TAFA2: variants seen among roughly 807,000 people sequenced by gnomAD.
TAFA2 encodes TAFA chemokine like family member 2.
TAFA2 carries 7 observed loss-of-function variants against 18.8 expected under a neutral mutation model. That is an observed-to-expected ratio of 0.37 (90% CI 0.21 to 0.70). The LOEUF is 0.70. Ranked by LOEUF, TAFA2 falls within the 30% of genes least tolerant of loss-of-function variation. TAFA2 has a pLI of 0.53. For missense variants in TAFA2, 122 were observed against 158.1 expected, an observed-to-expected ratio of 0.77 and a Z score of 1.23; for synonymous variants, 60 against 54.2, an observed-to-expected ratio of 1.11 and a Z score of -0.47.
intron 1 of TAFA2, among the ~76,000 whole-genome samples, chr12:61,869,052 GTA>G (rs1440347576): frequency 6.6e-6 from 1 of 152,226 alleles, no homozygotes; most frequent in East Asian, 1.9e-4. Flanking sequence ...TGAGTCATTT[GTA>G]TATGTTTGAT....
intron 1 of TAFA2, among the ~76,000 whole-genome samples, chr12:61,943,984 A>C (rs1207479848): frequency 7.1e-6 from 1 of 140,868 alleles, no homozygotes; most frequent in African/African-American, 2.7e-5. Context: ...TCTCCACCCC[A>C]AATCAACAGA....
intron 1 of TAFA2, among the ~76,000 whole-genome samples, chr12:62,223,431 GC>G (rs1399455520): frequency 1.3e-5 from 2 of 151,984 alleles, no homozygotes; most frequent in African/African-American, 4.8e-5. Flanking sequence ...CCTCACCTCG[GC>G]CTCCCAAATG....
intron 1 of TAFA2, among the ~76,000 whole-genome samples, chr12:62,074,949 G>A (rs1489890485): frequency 6.6e-6 from 1 of 152,006 alleles, no homozygotes; most frequent in East Asian, 1.9e-4. Context: ...TGATCTGCCT[G>A]CCTCAGCCTC....
At chr12:61,977,644 C>T (rs190650255) in intron 1 of TAFA2, among the ~76,000 whole-genome samples, 4 of 152,154 alleles carry the variant, frequency 2.6e-5, no homozygotes, top group Admixed American at 6.6e-5. Context: ...GGTAGACCAG[C>T]GAAGTAAAAT....
intron 1 of TAFA2, among the ~76,000 whole-genome samples, chr12:62,130,308 T>C (rs964324784): frequency 1.3e-5 from 2 of 151,988 alleles, no homozygotes; most frequent in African/African-American, 4.8e-5. Flanking sequence ...GACTTTCTCT[T>C]GCTGTTGCAG....
At chr12:61,887,243 A>G (rs1875424170) in intron 1 of TAFA2, among the ~76,000 whole-genome samples, 1 of 152,188 alleles carries the variant, frequency 6.6e-6, no homozygotes, top group Non-Finnish European at 1.5e-5. Flanking sequence ...ATACATCAGT[A>G]ACTGGCAGGG....
intron 1 of TAFA2, among the ~76,000 whole-genome samples, chr12:62,063,603 C>A (rs1441853012): frequency 6.6e-6 from 1 of 152,132 alleles, no homozygotes; most frequent in East Asian, 1.9e-4. Flanking sequence ...AATGATTAAC[C>A]AAATTATATT....
At chr12:61,800,691 A>T (rs993260908) in intron 2 of TAFA2, among the ~76,000 whole-genome samples, 1 of 152,166 alleles carries the variant, frequency 6.6e-6, no homozygotes, top group African/African-American at 2.4e-5. Flanking sequence ...AAGCAGGATA[A>T]TACCAGGTAC....
chr12:62,190,693 C>A (rs1257153378), intron 1 of TAFA2, among the ~76,000 whole-genome samples: 1 of 152,128 alleles, frequency 6.6e-6, no homozygotes, highest in East Asian at 1.9e-4. Context: ...CAGCTTGATT[C>A]TTTATGAAGA....
rs568251851 is a variant in TAFA2, at chr12:62,226,602, T to G, written c.-130+32161A>C. On this transcript the variant is annotated intron_variant, in intron 1 of 5. Coordinates refer to the TAFA2 transcript ENST00000551619. The stretch of plus-strand genomic sequence containing the variant: ...ATACTGATACCTATCTTGAGGCTTT[T>G]AAACCTGTGTGTAACTCAAGCCCTT... 8.8e-4 allele frequency among the ~76,000 whole-genome samples: 134 copies of G among 152,292 alleles called. 2 individuals are homozygous for G. The highest frequency in any genetic ancestry group is 3.0e-3 in the African/African-American group (125 of 41,564).
At chr12:61,955,599 T>G (rs1191957079) in intron 1 of TAFA2, among the ~76,000 whole-genome samples, 1 of 24,160 alleles carries the variant, frequency 4.1e-5, no homozygotes, top group Admixed American at 8.3e-4. Context: ...AGACTCCATC[T>G]CAAAAAAAAA....
intron 1 of TAFA2, among the ~76,000 whole-genome samples, chr12:62,055,450 T>C (rs1882164413): frequency 1.3e-5 from 2 of 152,178 alleles, no homozygotes; most frequent in Non-Finnish European, 2.9e-5. Context: ...CTACATTGTC[T>C]CCACTGGTAT....
chr12:61,760,007 T>G (rs1869459796), intron 2 of TAFA2, among the ~76,000 whole-genome samples: 1 of 149,798 alleles, frequency 6.7e-6, no homozygotes, highest in Admixed American at 6.7e-5. Flanking sequence ...TGTTAGGAGA[T>G]TAATAGTAAA....
At chr12:61,774,220 T>G (rs1490792946) in intron 2 of TAFA2, among the ~76,000 whole-genome samples, 1 of 151,966 alleles carries the variant, frequency 6.6e-6, no homozygotes, top group Non-Finnish European at 1.5e-5. Flanking sequence ...ACTTTTACAC[T>G]GCTAGTGGAA....
At chr12:62,046,204 C>G (rs1881904025) in intron 1 of TAFA2, among the ~76,000 whole-genome samples, 1 of 152,044 alleles carries the variant, frequency 6.6e-6, no homozygotes, top group Non-Finnish European at 1.5e-5. Flanking sequence ...CCCCAAAATT[C>G]AACCTGCTCC....
At chr12:61,878,196 AG>A in intron 1 of TAFA2, 1 of 428,844 alleles carries the variant, frequency 2.3e-6, no homozygotes, top group East Asian at 7.1e-5. Context: ...GTTTTTGTAC[AG>A]GATGACTTTT....
chr12:61,880,265 A>T, intron 1 of TAFA2: 1 of 476,026 alleles, frequency 2.1e-6, no homozygotes, highest in South Asian at 1.6e-5. Context: ...CCAGAATGTC[A>T]GCTGGCTCCA....
chr12:62,029,931 T>C (rs529193046), intron 1 of TAFA2, among the ~76,000 whole-genome samples: 2 of 152,172 alleles, frequency 1.3e-5, no homozygotes, highest in South Asian at 4.2e-4. Context: ...CACAGCAATG[T>C]CTGAAAGAAA....
intron 2 of TAFA2, 68 bp from the exon 3 acceptor site, chr12:61,755,092 A>G: frequency 6.7e-7 from 1 of 1,489,054 alleles, no homozygotes; most frequent in South Asian, 1.2e-5. Flanking sequence ...CCTTCTTTTT[A>G]ATTAGCAGTA....
Sources: allele counts gnomAD v4.1 joint callset (sites outside exome capture counted in the v4.1 genomes callset), GRCh38; gene constraint gnomAD v4.1.1; transcripts MANE v1.5; gene names NCBI Gene and HGNC (gene_info 2026-07-23, HGNC 2026-07-21).